The following ALYREF variants were observed in gnomAD, a reference collection of about 807,000 sequenced individuals.
ALYREF encodes THO complex subunit 4.
In ALYREF, 1 loss-of-function variant was observed where a neutral mutation model predicts 25.2. The ratio of observed to expected loss-of-function variants is 0.04; its 90% CI spans 0.01 to 0.19. The LOEUF (loss-of-function observed/expected upper bound fraction) is 0.19. Ranked by LOEUF, ALYREF falls within the 10% of genes least tolerant of loss-of-function variation. The pLI is 1.00. For missense variants in ALYREF, 328 were observed against 375.6 expected (o/e 0.87, Z 1.05); for synonymous variants, 193 against 153.5 (o/e 1.26, Z -1.90).
intron 2 of ALYREF, 122 bp from the exon 3 acceptor site, chr17:81,889,451 G>A (rs972121485): frequency 8.6e-7 from 1 of 1,160,828 alleles, no homozygotes; most frequent in Non-Finnish European, 1.3e-6. Flanking sequence ...GCAGGACAGT[G>A]GTTAACGGGA....
At chr17:81,890,660 C>A (rs1298250179) in intron 2 of ALYREF, 29 bp downstream of exon 2, 2 of 1,608,614 alleles carry the variant, frequency 1.2e-6, no homozygotes, top group Non-Finnish European at 1.7e-6. Context: ...GCAGGGCGAA[C>A]GGCTCACCGA....
intron 1 of ALYREF, 158 bp from the exon 2 acceptor site, chr17:81,890,978 C>T: frequency 9.0e-7 from 1 of 1,109,746 alleles, no homozygotes; most frequent in Non-Finnish European, 1.3e-6. Flanking sequence ...TGCCCCAGCC[C>T]GAGGCCGCAC....
Position 81,888,623 on chromosome 17 carries a change from G to A in ALYREF, c.539-40C>T, listed in dbSNP as rs565499155. The A allele has an allele frequency of 9.6e-6, 15 of 1,563,578 alleles. 1 individual carries two copies. Among genetic ancestry groups the A allele is most frequent in the South Asian group, 9.4e-5 (8 of 85,554 alleles). On this transcript the variant is annotated intron_variant, in intron 3 of 5. Transcript: ENST00000505490. The surrounding 1 kb of genome is among the most constrained non-coding windows in gnomAD (Gnocchi z 5.8). The stretch of plus-strand genomic sequence containing the variant: ...ACGAGAAGGCACGTTCTATTGAGAG[G>A]CTCTGAAACCCACCCAGCTGGCGCC...
chr17:81,889,476 G>C, intron 2 of ALYREF, 147 bp from the exon 3 acceptor site: 1 of 886,866 alleles, frequency 1.1e-6, no homozygotes, highest in South Asian at 1.6e-5. Flanking sequence ...AGGGAAGGGC[G>C]GGGCAGGAGG....
intron 2 of ALYREF, among the ~76,000 whole-genome samples, chr17:81,890,148 T>A (rs2039488747): frequency 1.3e-5 from 2 of 152,106 alleles, no homozygotes; most frequent in Admixed American, 1.3e-4. Context: ...TTTTTCTTTT[T>A]TTAAAAAAGA....
chr17:81,888,821 T>A lies in ALYREF; in HGVS notation c.539-238A>T, dbSNP rs968726354. The A allele has an allele frequency of 7.0e-7, 1 of 1,422,008 alleles. No homozygotes were observed. The highest frequency in any genetic ancestry group is 1.4e-5 in the African/African-American group (1 of 69,504). The allele number at this position is 1,422,008 out of a possible 1,614,324, so 88.1% of individuals were successfully genotyped here. On this transcript the variant is annotated intron_variant, in intron 3 of 5. Transcript: ENST00000505490. This position sits in a 1 kb window ranked among gnomAD's most constrained non-coding sequence, Gnocchi z 5.8. ...ACTAGGTGGGCTGCTCGCTGAGGTA[T>A]CGGGGTGCTCGTGGGTGGAGAGGTG... is the stretch of plus-strand genomic sequence containing the variant.
In ALYREF at chr17:81,891,351, C is replaced by T. The variant is rs1598293294; in HGVS notation, c.230G>A (p.Gly77Asp). ...AIARGAAGGG[G>D]RNRPAPYSRP... ...GCTGTAGGGCGCCGGTCGGTTCCTGCCGCCTCCGCCGGCCGCGCCGCGGGC... is the reference window on the plus strand; with the variant it reads ...GCTGTAGGGCGCCGGTCGGTTCCTGTCGCCTCCGCCGGCCGCGCCGCGGGC... Residue 77 changes from glycine (G) to aspartate (D), a missense_variant, in exon 1 of 6, where the codon GGC becomes GAC. By Grantham distance (94) the Gly-to-Asp change is moderately conservative. Transcript: ENST00000505490. 1.7e-6 allele frequency: 2 copies of T among 1,159,208 alleles called. No homozygotes were observed. Among genetic ancestry groups the T allele is most frequent in the East Asian group, 4.7e-5 (1 of 21,302 alleles). 71.8% of individuals were successfully genotyped at this position (1,159,208 alleles called of 1,614,324 possible).
chr17:81,891,088 G>A (rs903764937), intron 1 of ALYREF: 39 of 669,396 alleles, frequency 5.8e-5, no homozygotes, highest in Non-Finnish European at 8.0e-5. Context: ...AGGCCCCAAC[G>A]TCCGGAACAA....
In ALYREF at chr17:81,887,958, TAAAA is replaced by T; in HGVS notation, c.*169_*172del. 24 of 470,818 alleles carry T rather than the reference TAAAA, an allele frequency of 5.1e-5. No homozygotes were observed. The highest frequency in any genetic ancestry group is 8.6e-5 in the South Asian group (2 of 23,130). The allele number at this position is 470,818 out of a possible 1,614,324, so 29.2% of individuals were successfully genotyped here. On this transcript the variant is annotated 3_prime_UTR_variant, in exon 6 of 6. Coordinates refer to ENST00000505490, the MANE Select transcript of ALYREF (RefSeq NM_005782.4). ...GTACAAAACAGGTCTGTTTCAGAATTAAAAAAAAAAAAAAAGAAAAAAAAAAAAC... is the reference window on the plus strand; with the variant it reads ...GTACAAAACAGGTCTGTTTCAGAATTAAAAAAAAAAAGAAAAAAAAAAAAC...
In ALYREF at chr17:81,891,329, G is replaced by A. The variant is rs1052259492; in HGVS notation, c.252C>T (p.Tyr84=). 2.6e-6 allele frequency: 3 copies of A among 1,162,212 alleles called. No homozygotes were observed. The highest frequency in any genetic ancestry group is 3.0e-5 in the South Asian group (1 of 33,372). The allele number at this position is 1,162,212 out of a possible 1,614,324, so 72.0% of individuals were successfully genotyped here. A position where few individuals can be genotyped will look rare whatever the true frequency, so the allele number is the denominator to read the frequency against. Residue 84 remains tyrosine, a synonymous_variant, in exon 1 of 6, where the codon TAC becomes TAT. Coordinates refer to ENST00000505490, the MANE Select transcript of ALYREF (RefSeq NM_005782.4). The stretch of plus-strand genomic sequence containing the variant: ...GGCCGGCCTCCGCACTCACCCTGCT[G>A]TAGGGCGCCGGTCGGTTCCTGCCGC... ...GGGGRNRPAP[Y]SRPKQLPDKW... is the part of the protein sequence containing the mutation.
In ALYREF at chr17:81,888,474, G is replaced by A. The variant is rs2143486963; in HGVS notation, c.602+46C>T. The A allele has an allele frequency of 6.2e-7, 1 of 1,604,594 alleles. No individual in the cohort carries two copies. Among genetic ancestry groups the A allele is most frequent in the Non-Finnish European group, 8.5e-7 (1 of 1,174,178 alleles). ...CCGGAAGGACCCTAAGAGCGACGCA[G>A]CCTCACCCTCGGCCAATCCCCTTCC... On this transcript the variant is annotated intron_variant, in intron 4 of 5. Coordinates refer to ENST00000505490, the MANE Select transcript of ALYREF (RefSeq NM_005782.4). This position sits in a 1 kb window ranked among gnomAD's most constrained non-coding sequence, Gnocchi z 5.8.
chr17:81,888,276 C>T lies in ALYREF; in HGVS notation c.745G>A (p.Glu249Lys), dbSNP rs2039459013. ...TAGGCGTCCAGCTGGGCATCCAGCTCCTCTGCCGAAAGCTGCTGCTTTGAA... is the reference window on the plus strand; with the variant it reads ...TAGGCGTCCAGCTGGGCATCCAGCTTCTCTGCCGAAAGCTGCTGCTTTGAA... ...RNSKQQLSAE[E>K]LDAQLDAYNA... The change falls in exon 5 of 6, where the codon GAG (glutamate) becomes AAG (lysine). Residue 249 changes from glutamate to lysine, a missense_variant. By Grantham distance (56) the Glu-to-Lys change is moderately conservative. Around this residue, in one of 3 missense-constraint regions of ALYREF, gnomAD observed 108 missense variants for 110.5 expected, o/e 0.98. Coordinates refer to ENST00000505490, the MANE Select transcript of ALYREF (RefSeq NM_005782.4). The surrounding 1 kb of genome is among the most constrained non-coding windows in gnomAD (Gnocchi z 5.8). 1 of 1,609,868 alleles carries T rather than the reference C, an allele frequency of 6.2e-7. No individual in the cohort carries two copies. Among genetic ancestry groups the T allele is most frequent in the Non-Finnish European group, 8.5e-7 (1 of 1,178,724 alleles).
Position 81,888,136 on chromosome 17 carries a change from T to C in ALYREF, c.790A>G (p.Ser264Gly). ...ACGCGGATTTGCTGGTCTGTTTAAC[T>C]GGTGTCCATCTGAAACACAGAGGAG... ...LDAYNARMDT[S>G] The change falls in exon 6 of 6, where the codon AGT becomes GGT. Residue 264 changes from serine to glycine, a missense_variant. Around this residue, in one of 3 missense-constraint regions of ALYREF, gnomAD observed 108 missense variants for 110.5 expected, o/e 0.98. Coordinates refer to ENST00000505490, the MANE Select transcript of ALYREF (RefSeq NM_005782.4). The surrounding 1 kb of genome is among the most constrained non-coding windows in gnomAD (Gnocchi z 5.8). The C allele has an allele frequency of 6.2e-7, 1 of 1,614,172 alleles. No homozygotes were observed. Among genetic ancestry groups the C allele is most frequent in the Non-Finnish European group, 8.5e-7 (1 of 1,180,034 alleles).
Position 81,888,274 on chromosome 17 carries a change from C to T in ALYREF, c.747G>A (p.Glu249=). The T allele has an allele frequency of 1.2e-6, 2 of 1,609,922 alleles. No individual in the cohort carries two copies. The highest frequency in any genetic ancestry group is 1.7e-6 in the Non-Finnish European group (2 of 1,178,694). The change falls in exon 5 of 6, where the codon GAG becomes GAA. Residue 249 remains glutamate, a synonymous_variant. Coordinates refer to ENST00000505490, the MANE Select transcript of ALYREF (RefSeq NM_005782.4). The surrounding 1 kb of genome is among the most constrained non-coding windows in gnomAD (Gnocchi z 5.8). ...RNSKQQLSAE[E]LDAQLDAYNA... is the part of the protein sequence containing the mutation. ...TATAGGCGTCCAGCTGGGCATCCAG[C>T]TCCTCTGCCGAAAGCTGCTGCTTTG...
At chr17:81,889,838 T>C (rs1273710092) in intron 2 of ALYREF, 1 of 157,644 alleles carries the variant, frequency 6.3e-6, no homozygotes, top group Non-Finnish European at 1.4e-5. Context: ...AGCGCTGTCA[T>C]GGAAACTGCC....
Position 81,888,879 on chromosome 17 carries a change from T to G in ALYREF, c.539-296A>C, listed in dbSNP as rs1036590466. ...CCTGACGAAGAAGAACCGGTACCTTTGTCTTTACGACTACAGCCCCGCACT... is the reference window on the plus strand; with the variant it reads ...CCTGACGAAGAAGAACCGGTACCTTGGTCTTTACGACTACAGCCCCGCACT... On this transcript the variant is annotated intron_variant, in intron 3 of 5. Coordinates refer to ENST00000505490, the MANE Select transcript of ALYREF (RefSeq NM_005782.4). The surrounding 1 kb of genome is among the most constrained non-coding windows in gnomAD (Gnocchi z 5.8). The G allele has an allele frequency of 7.1e-7, 1 of 1,408,324 alleles. No individual in the cohort carries two copies. Among genetic ancestry groups the G allele is most frequent in the African/African-American group, 1.4e-5 (1 of 69,296 alleles). 87.2% of individuals were successfully genotyped at this position (1,408,324 alleles called of 1,614,324 possible). A position where few individuals can be genotyped will look rare whatever the true frequency, so the allele number is the denominator to read the frequency against.
intron 1 of ALYREF, 83 bp downstream of exon 1, chr17:81,891,240 C>G: frequency 9.4e-7 from 1 of 1,061,204 alleles, no homozygotes; most frequent in Non-Finnish European, 1.1e-6. Context: ...ACCCGCCGGC[C>G]CGGGTCTCCG....
At position 81,889,348 on chromosome 17, in the gene ALYREF, A is replaced by G. The variant is rs781012830; in HGVS notation, c.391-19T>C. On this transcript the variant is annotated intron_variant, in intron 2 of 5. Transcript: ENST00000505490. ...AGAGTTCCTGGGAGTTGCAGAGAGCAGTTGTCAGAAAAGCAACAAAACTGC... is the reference window on the plus strand; with the variant it reads ...AGAGTTCCTGGGAGTTGCAGAGAGCGGTTGTCAGAAAAGCAACAAAACTGC... 1.9e-6 allele frequency: 3 copies of G among 1,609,582 alleles called. No homozygotes were observed. The South Asian group carries it at 3.3e-5, about 18-fold the overall frequency.
Position 81,890,804 on chromosome 17 carries a change from T to A in ALYREF, c.275A>T (p.Asp92Val). Residue 92 changes from aspartate (D) to valine (V), a missense_variant, in exon 2 of 6, where the codon GAC (aspartate) becomes GTC (valine). Asp to Val is a radical substitution (Grantham distance 152). Around this residue, in one of 3 missense-constraint regions of ALYREF, gnomAD observed 150 missense variants for 135.3 expected, o/e 1.11. Coordinates refer to ENST00000505490, the MANE Select transcript of ALYREF (RefSeq NM_005782.4). The stretch of plus-strand genomic sequence containing the variant: ...GTCGAAAAGATCGTGCTGCCACTTG[T>A]CGGGAAGTTGTTTTGGCTGAAAAAA... ...APYSRPKQLPDKWQHDLFDSG... is the reference protein window; with the variant it reads ...APYSRPKQLPVKWQHDLFDSG... 6.2e-7 allele frequency: 1 copy of A among 1,613,990 alleles called. No homozygotes were observed. Among genetic ancestry groups the A allele is most frequent in the Non-Finnish European group, 8.5e-7 (1 of 1,179,978 alleles).
Sources: allele counts gnomAD v4.1 joint callset (sites outside exome capture counted in the v4.1 genomes callset), GRCh38; gene constraint gnomAD v4.1.1; regional missense constraint gnomAD v4.1.1; non-coding constraint Gnocchi (gnomAD v3.1); transcripts MANE v1.5; gene names NCBI Gene and HGNC (gene_info 2026-07-23, HGNC 2026-07-21).